RAB14: variants seen among roughly 807,000 people sequenced by gnomAD.
RAB14 encodes the protein ras-related protein Rab-14.
A neutral mutation model predicts 31.1 loss-of-function variants in RAB14; 3 were observed. That is an observed-to-expected ratio of 0.10 (90% CI 0.04 to 0.25). The LOEUF is 0.25. Among genes scored for constraint, RAB14 ranks in the 10% least tolerant of loss-of-function variants. The probability of loss-of-function intolerance (pLI) is 1.00; values close to 1 mark genes in which losing one functional copy is unlikely to be tolerated. For synonymous variants in RAB14, 85 were observed against 84.9 expected (o/e 1.00, Z 0.00); for missense variants, 111 against 260.1 (o/e 0.43, Z 3.94).
chr9:121,182,041 C>T (rs2053636402), intron 7 of RAB14, among the ~76,000 whole-genome samples: 4 of 152,096 alleles, frequency 2.6e-5, no homozygotes, highest in African/African-American at 7.2e-5. Context: ...CCACCACACC[C>T]GGCCGGAAAA....
chr9:121,186,784 A>G (rs1420310259), intron 5 of RAB14, among the ~76,000 whole-genome samples, 169 bp downstream of exon 5: 5 of 152,178 alleles, frequency 3.3e-5, no homozygotes, highest in African/African-American at 9.6e-5. Context: ...ACCTGGTTTA[A>G]TAAGAACTGA....
At chr9:121,181,648 CTTTAG>C (rs978909201) in intron 7 of RAB14, 75 bp from the exon 8 acceptor site, 12 of 1,183,330 alleles carry the variant, frequency 1.0e-5, no homozygotes, top group Non-Finnish European at 1.4e-5. Context: ...TTTTGCTAAT[CTTTAG>C]TTAACTGCCA....
At chr9:121,187,913 T>G (rs978801509) in intron 4 of RAB14, among the ~76,000 whole-genome samples, 2 of 152,024 alleles carry the variant, frequency 1.3e-5, no homozygotes, top group Admixed American at 1.3e-4. Flanking sequence ...GGTGTCAAAA[T>G]CAGGCCTAGA....
At position 121,182,969 on chromosome 9, in the gene RAB14, A is replaced by G; in HGVS notation, c.440-9T>C. The G allele has an allele frequency of 6.2e-7, 1 of 1,604,634 alleles. No homozygotes were observed. Among genetic ancestry groups the G allele is most frequent in the South Asian group, 1.1e-5 (1 of 90,054 alleles). On this transcript the variant is annotated splice_polypyrimidine_tract_variant and intron_variant, in intron 6 of 7. Transcript: ENST00000373840. ...TTCGAGGAACAATAAGCCTAAAAAT[A>G]AAATTCAGACTATAATTAGGACACT...
intron 1 of RAB14, among the ~76,000 whole-genome samples, chr9:121,195,938 AT>A (rs1233381177): frequency 6.6e-6 from 1 of 152,172 alleles, no homozygotes; most frequent in Non-Finnish European, 1.5e-5. Flanking sequence ...TCAATACTAA[AT>A]AGGCTTAATG....
chr9:121,190,792 G>C lies in RAB14; in HGVS notation c.107-61C>G, dbSNP rs2053682238. 2.6e-6 allele frequency: 4 copies of C among 1,531,256 alleles called. No homozygotes were observed. In the African/African-American group the frequency reaches 4.1e-5, roughly 16 times the overall value. 94.9% of individuals were successfully genotyped at this position (1,531,256 alleles called of 1,614,324 possible). On this transcript the variant is annotated intron_variant, in intron 3 of 7. Transcript: ENST00000373840. ...CAGAAAACTTCAAATTAAGCCTAGA[G>C]GGGGAAAATCCACTAAATAAGCAAA...
At position 121,183,308 on chromosome 9, in the gene RAB14, C is replaced by T. The variant is rs766997650; in HGVS notation, c.439+3G>A. On this transcript the variant is annotated splice_donor_region_variant and intron_variant, in intron 6 of 7. Transcript: ENST00000373840. ...GTGACCATTAAGTCTTAAAGAAACT[C>T]ACCATTTTCTTCAGCAAACTGTTTG... 6.3e-7 allele frequency: 1 copy of T among 1,598,460 alleles called. No individual in the cohort carries two copies. The highest frequency in any genetic ancestry group is 1.1e-5 in the South Asian group (1 of 90,414).
chr9:121,179,883 G>C lies in RAB14; in HGVS notation c.*1513C>G, dbSNP rs2053623536. On this transcript the variant is annotated 3_prime_UTR_variant, in exon 8 of 8. Coordinates refer to ENST00000373840, the MANE Select transcript of RAB14 (RefSeq NM_016322.4). ...AGTGCATTTTCTATAGTACGCTGAG[G>C]TGTTACCTATTCTATTTCAAATAAA... The C allele has an allele frequency of 6.6e-6, 1 of 152,528 alleles. No homozygotes were observed. Among genetic ancestry groups the C allele is most frequent in the Non-Finnish European group, 1.5e-5 (1 of 68,024 alleles). The allele number at this position is 152,528 out of a possible 1,614,324, so 9.4% of individuals were successfully genotyped here. A position where few individuals can be genotyped will look rare whatever the true frequency, so the allele number is the denominator to read the frequency against.
At chr9:121,195,907 GTA>G (rs1476436572) in intron 1 of RAB14, among the ~76,000 whole-genome samples, 1 of 152,058 alleles carries the variant, frequency 6.6e-6, no homozygotes, top group Admixed American at 6.6e-5. Context: ...TCAGTCAAAA[GTA>G]TTTGCAGTAG....
intron 4 of RAB14, among the ~76,000 whole-genome samples, chr9:121,189,552 T>A (rs1211545921): frequency 6.6e-6 from 1 of 152,102 alleles, no homozygotes; most frequent in Non-Finnish European, 1.5e-5. Flanking sequence ...GGCACTATAA[T>A]TATAATTAGT....
At position 121,181,209 on chromosome 9, in the gene RAB14, T is replaced by G; in HGVS notation, c.*187A>C. 2 of 529,194 alleles carry G rather than the reference T, an allele frequency of 3.8e-6. No individual in the cohort carries two copies. The highest frequency in any genetic ancestry group is 7.8e-5 in the South Asian group (1 of 12,806). 32.8% of individuals were successfully genotyped at this position (529,194 alleles called of 1,614,324 possible). On this transcript the variant is annotated 3_prime_UTR_variant, in exon 8 of 8. Coordinates refer to ENST00000373840, the MANE Select transcript of RAB14 (RefSeq NM_016322.4). The stretch of plus-strand genomic sequence containing the variant: ...GAGAGATTTATTACTCTACTTGCCT[T>G]TGATAACCTGATTACATCTAGTTGT...
chr9:121,191,423 G>C (rs1339889919), intron 3 of RAB14, among the ~76,000 whole-genome samples: 1 of 151,936 alleles, frequency 6.6e-6, no homozygotes, highest in African/African-American at 2.4e-5. Flanking sequence ...CTGTAACCTC[G>C]AACTTCTGGG....
intron 3 of RAB14, among the ~76,000 whole-genome samples, chr9:121,191,343 T>C (rs1041430029): frequency 2.0e-5 from 3 of 152,208 alleles, no homozygotes; most frequent in Middle Eastern, 6.8e-3. Flanking sequence ...TATATATATA[T>C]GCATATATTT....
At chr9:121,181,797 G>C (rs1186517422) in intron 7 of RAB14, among the ~76,000 whole-genome samples, 1 of 134,992 alleles carries the variant, frequency 7.4e-6, no homozygotes, top group Non-Finnish European at 1.5e-5. Flanking sequence ...CACCAGGCTG[G>C]AGTGCAGTGG....
intron 1 of RAB14, among the ~76,000 whole-genome samples, chr9:121,199,542 T>G (rs991704131): frequency 6.6e-6 from 1 of 152,230 alleles, no homozygotes; most frequent in Admixed American, 6.5e-5. Context: ...AATATCTTAC[T>G]GTGACTATGC....
Position 121,178,197 on chromosome 9 carries a change from G to A in RAB14, c.*3199C>T, listed in dbSNP as rs1459387207. ...GGCTAGACGTGAACCGTTAAGATAC[G>A]GGATCAATGGAGTTACAATAAAGAC... On this transcript the variant is annotated 3_prime_UTR_variant, in exon 8 of 8. Coordinates refer to ENST00000373840, the MANE Select transcript of RAB14 (RefSeq NM_016322.4). 1.3e-5 allele frequency: 2 copies of A among 152,062 alleles called. No homozygotes were observed. The highest frequency in any genetic ancestry group is 1.9e-4 in the East Asian group (1 of 5,188). The allele number at this position is 152,062 out of a possible 1,614,324, so 9.4% of individuals were successfully genotyped here.
intron 1 of RAB14, among the ~76,000 whole-genome samples, chr9:121,201,208 G>T (rs1055177576): frequency 1.3e-5 from 2 of 152,190 alleles, no homozygotes; most frequent in Admixed American, 6.5e-5. Flanking sequence ...CCACGTCTGG[G>T]GCTTGCGGGC....
chr9:121,190,729 T>C lies in RAB14; in HGVS notation c.109A>G (p.Met37Val). 6.2e-7 allele frequency: 1 copy of C among 1,612,756 alleles called. No individual in the cohort carries two copies. Among genetic ancestry groups the C allele is most frequent in the Non-Finnish European group, 8.5e-7 (1 of 1,179,266 alleles). The change falls in exon 4 of 8, where the codon ATG becomes GTG. Residue 37 changes from methionine to valine, a missense_variant and splice_region_variant. By Grantham distance (21) the Met-to-Val change is conservative. Transcript: ENST00000373840. ...LLHQFTEKKFMADCPHTIGVE... is the reference protein window; with the variant it reads ...LLHQFTEKKFVADCPHTIGVE... ...CCAATTGTGTGAGGACAATCAGCCA[T>C]AACTGTTAAGGAGGAAAAAAAGTAA... is the stretch of plus-strand genomic sequence containing the variant.
At chr9:121,196,386 A>G (rs570260443) in intron 1 of RAB14, among the ~76,000 whole-genome samples, 1 of 152,336 alleles carries the variant, frequency 6.6e-6, no homozygotes, top group African/African-American at 2.4e-5. Context: ...CAAACTAATA[A>G]GAAATACAAT....
Sources: allele counts gnomAD v4.1 joint callset (sites outside exome capture counted in the v4.1 genomes callset), GRCh38; gene constraint gnomAD v4.1.1; transcripts MANE v1.5; gene names NCBI Gene and HGNC (gene_info 2026-07-23, HGNC 2026-07-21).